OPRD1: variants seen among roughly 807,000 people sequenced by gnomAD.
OPRD1 encodes opioid receptor delta 1.
Under a neutral mutation model 17.5 loss-of-function variants are expected in OPRD1, and 19 were observed. The ratio of observed to expected loss-of-function variants is 1.09; its 90% confidence interval spans 0.76 to 1.60. OPRD1 has a LOEUF of 1.60. OPRD1 is among the 40% of genes most tolerant of loss of function. OPRD1 has a pLI of 0.00. For missense variants in OPRD1, 483 were observed against 547.2 expected, an observed-to-expected ratio of 0.88 and a Z score of 1.17; for synonymous variants, 256 against 240.9, an observed-to-expected ratio of 1.06 and a Z score of -0.58.
At chr1:28,819,736 T>TCTG (rs916413071) in intron 1 of OPRD1, among the ~76,000 whole-genome samples, 1 of 152,152 alleles carries the variant, frequency 6.6e-6, no homozygotes, top group Non-Finnish European at 1.5e-5. Flanking sequence ...CATGTTTCCA[T>TCTG]CTGCTGCTGC....
At chr1:28,818,612 G>C (rs204047) in intron 1 of OPRD1, among the ~76,000 whole-genome samples, 3 of 152,010 alleles carry the variant, frequency 2.0e-5, no homozygotes, top group Non-Finnish European at 4.4e-5. Context: ...GGATGGAGAG[G>C]CTGCAGGGAC....
At chr1:28,862,017 T>C (rs1156891339) in intron 2 of OPRD1, among the ~76,000 whole-genome samples, 45 of 151,224 alleles carry the variant, frequency 3.0e-4, no homozygotes, top group Non-Finnish European at 5.7e-4. Context: ...GTTCACACCA[T>C]TCTCCTGCCT....
chr1:28,846,956 C>T (rs10915200), intron 1 of OPRD1, among the ~76,000 whole-genome samples: 61,362 of 143,248 alleles, frequency 0.43, 14,681 homozygotes, highest in East Asian at 0.87. Flanking sequence ...TTTTCTTTCT[C>T]TTTCTCTCTT....
chr1:28,822,813 G>C (rs1158970635), intron 1 of OPRD1, among the ~76,000 whole-genome samples: 1 of 152,134 alleles, frequency 6.6e-6, no homozygotes, highest in East Asian at 1.9e-4. Context: ...TAAATGCTGT[G>C]ATCTCAGGTT....
At chr1:28,849,462 C>T (rs2088980114) in intron 1 of OPRD1, among the ~76,000 whole-genome samples, 1 of 152,162 alleles carries the variant, frequency 6.6e-6, no homozygotes, top group South Asian at 2.1e-4. Flanking sequence ...GTGAAGCCCA[C>T]CAGTTGACAG....
chr1:28,856,191 T>C (rs2089057762), intron 1 of OPRD1, among the ~76,000 whole-genome samples: 1 of 152,224 alleles, frequency 6.6e-6, no homozygotes, highest in Non-Finnish European at 1.5e-5. Context: ...TCCGCCACTG[T>C]TGCTGTGTGA....
chr1:28,862,368 G>C (rs191171663), intron 2 of OPRD1, among the ~76,000 whole-genome samples: 10 of 152,280 alleles, frequency 6.6e-5, no homozygotes, highest in Admixed American at 6.5e-4. Flanking sequence ...TGTCTTAGCA[G>C]TCCTGTCCCC....
chr1:28,859,520 C>T (rs956192788), intron 2 of OPRD1, among the ~76,000 whole-genome samples: 2 of 152,132 alleles, frequency 1.3e-5, no homozygotes, highest in South Asian at 2.1e-4. Flanking sequence ...GGGGGGCATG[C>T]GGATGGTTGA....
chr1:28,862,682 G>C (rs1569659851), intron 2 of OPRD1, 60 bp from the exon 3 acceptor site: 1 of 1,505,922 alleles, frequency 6.6e-7, no homozygotes, highest in East Asian at 2.3e-5. Flanking sequence ...AAGCAGGTGG[G>C]GGCCCCTTAG....
At chr1:28,830,398 C>T (rs958334915) in intron 1 of OPRD1, among the ~76,000 whole-genome samples, 2 of 151,926 alleles carry the variant, frequency 1.3e-5, no homozygotes, top group Non-Finnish European at 2.9e-5. Context: ...GTGGGACATG[C>T]CTGTAGTCCT....
chr1:28,841,828 C>T (rs148099389), intron 1 of OPRD1, among the ~76,000 whole-genome samples: 4,515 of 151,622 alleles, frequency 0.03, 223 homozygotes, highest in African/African-American at 0.1. Flanking sequence ...ATTCTCTTGC[C>T]TCATCCTCCT....
At chr1:28,819,761 C>T (rs576104222) in intron 1 of OPRD1, among the ~76,000 whole-genome samples, 5 of 152,072 alleles carry the variant, frequency 3.3e-5, no homozygotes, top group Admixed American at 1.3e-4. Context: ...CATGACATGG[C>T]GGAATGGAGG....
At chr1:28,852,336 A>G (rs1353369681) in intron 1 of OPRD1, among the ~76,000 whole-genome samples, 2 of 152,216 alleles carry the variant, frequency 1.3e-5, no homozygotes, top group Non-Finnish European at 2.9e-5. Context: ...ATTTAGCAAT[A>G]TGTACACAGA....
intron 1 of OPRD1, among the ~76,000 whole-genome samples, chr1:28,831,270 G>C (rs2088806901): frequency 6.6e-6 from 1 of 152,196 alleles, no homozygotes; most frequent in Admixed American, 6.5e-5. Flanking sequence ...CCAGCAATTT[G>C]GTAGGCCGAG....
At chr1:28,858,824 T>C (rs1399939094) in intron 1 of OPRD1, 130 bp from the exon 2 acceptor site, 1 of 869,686 alleles carries the variant, frequency 1.1e-6, no homozygotes, top group Non-Finnish European at 1.8e-6. Flanking sequence ...GGGATTACAG[T>C]TGTGAGGCAC....
chr1:28,817,567 G>A (rs1304311487), intron 1 of OPRD1, among the ~76,000 whole-genome samples: 1 of 152,162 alleles, frequency 6.6e-6, no homozygotes, highest in Non-Finnish European at 1.5e-5. Flanking sequence ...CCCTCTCTTG[G>A]GGTCTGGACC....
In OPRD1 at chr1:28,865,336, GT is replaced by G. The variant is rs1282201846; in HGVS notation, c.*2054del. 1 of 152,082 alleles carries G rather than the reference GT, an allele frequency of 6.6e-6. No individual in the cohort carries two copies. The highest frequency in any genetic ancestry group is 2.4e-5 in the African/African-American group (1 of 41,372). The allele number at this position is 152,082 out of a possible 1,614,324, so 9.4% of individuals were successfully genotyped here. On this transcript the variant is annotated 3_prime_UTR_variant, in exon 3 of 3. Coordinates refer to ENST00000234961, the MANE Select transcript of OPRD1 (RefSeq NM_000911.4). ...TTGGGACAGATGGAAAGAAATTGAC[GT>G]CTTTGTCTCAAACAAAAGAAAAAAG... is the stretch of plus-strand genomic sequence containing the variant.
chr1:28,859,162 C>T lies in OPRD1; in HGVS notation c.436C>T (p.Arg146Cys), dbSNP rs778293667. Reference protein sequence around the residue: ...IFTLTMMSVDRYIAVCHPVKA... With the variant: ...IFTLTMMSVDCYIAVCHPVKA... The stretch of plus-strand genomic sequence containing the variant: ...CACGCTCACCATGATGAGTGTTGAC[C>T]GCTACATCGCTGTCTGCCACCCTGT... Residue 146 changes from arginine to cysteine, a missense_variant, in exon 2 of 3, where the codon CGC (arginine) becomes TGC (cysteine). Physicochemically the swap from Arg to Cys is radical, Grantham distance 180. Transcript: ENST00000234961. The T allele has an allele frequency of 1.1e-5, 18 of 1,614,120 alleles. No homozygotes were observed. The highest frequency in any genetic ancestry group is 2.7e-5 in the African/African-American group (2 of 74,940).
Position 28,822,542 on chromosome 1 carries a change from G to A in OPRD1, c.227+9932G>A, listed in dbSNP as rs142245131. Among the ~76,000 whole-genome samples the A allele has an allele frequency of 8.5e-4, 130 of 152,056 alleles. 1 individual carries two copies. The East Asian group carries it at 0.018, about 21-fold the overall frequency. The stretch of plus-strand genomic sequence containing the variant: ...GTTGCACAGGTTGGAGTGCAGTGGC[G>A]CAATCTCGGCTCACTGCAACCTCTG... On this transcript the variant is annotated intron_variant, in intron 1 of 2. Transcript: ENST00000234961.
Sources: allele counts gnomAD v4.1 joint callset (sites outside exome capture counted in the v4.1 genomes callset), GRCh38; gene constraint gnomAD v4.1.1; transcripts MANE v1.5; gene names NCBI Gene and HGNC (gene_info 2026-07-23, HGNC 2026-07-21).